The following BNC2 variants were observed in gnomAD, a reference collection of about 807,000 sequenced individuals.
BNC2 encodes the protein zinc finger protein basonuclin-2.
A neutral mutation model predicts 76.3 loss-of-function variants in BNC2; 20 were observed. The ratio of observed to expected loss-of-function variants is 0.26; its 90% confidence interval spans 0.18 to 0.38. BNC2 has a LOEUF of 0.38. Ranked by LOEUF, BNC2 falls within the 10% of genes least tolerant of loss-of-function variation. The pLI is 1.00. For synonymous variants in BNC2, 582 were observed against 514.8 expected (o/e 1.13, Z -1.77); for missense variants, 1,382 against 1,399.8 (o/e 0.99, Z 0.20).
chr9:16,677,578 A>AC (rs61063092), intron 3 of BNC2, among the ~76,000 whole-genome samples: 8,239 of 139,322 alleles, frequency 0.059, 361 homozygotes, highest in African/African-American at 0.13. Context: ...GTCTCAAACA[A>AC]ACACACACAC....
intron 3 of BNC2, among the ~76,000 whole-genome samples, chr9:16,639,752 T>C (rs1054842995): frequency 1.3e-5 from 2 of 152,068 alleles, no homozygotes; most frequent in South Asian, 2.1e-4. Context: ...CCTCCATCTC[T>C]ACAAAAATTT....
At chr9:16,665,180 A>G (rs1201114535) in intron 3 of BNC2, 1 of 412,534 alleles carries the variant, frequency 2.4e-6, no homozygotes, top group Non-Finnish European at 4.7e-6. Flanking sequence ...ACCAGCCTGA[A>G]AAACAAGGTG....
At chr9:16,700,196 T>C (rs1217802576) in intron 3 of BNC2, among the ~76,000 whole-genome samples, 1 of 152,242 alleles carries the variant, frequency 6.6e-6, no homozygotes, top group African/African-American at 2.4e-5. Context: ...TCAGACTCGT[T>C]CCATAGTAAA....
chr9:16,452,213 G>A (rs543965213), intron 5 of BNC2, among the ~76,000 whole-genome samples: 1 of 152,254 alleles, frequency 6.6e-6, no homozygotes, highest in African/African-American at 2.4e-5. Context: ...GTACCAGTAA[G>A]TTACCTATTC....
Position 16,437,037 on chromosome 9 carries a change from G to A in BNC2, c.1157C>T (p.Ala386Val), listed in dbSNP as rs150998148. 8.4e-5 allele frequency: 135 copies of A among 1,613,976 alleles called. No individual in the cohort carries two copies. The highest frequency in any genetic ancestry group is 1.0e-4 in the Non-Finnish European group (121 of 1,180,022). Residue 386 changes from alanine (A) to valine (V), a missense_variant, in exon 6 of 7, where the codon GCC (alanine) becomes GTC (valine). Ala to Val is a moderately conservative substitution (Grantham distance 64, BLOSUM62 0). Transcript: ENST00000380672. The part of the protein sequence containing the change: ...YKNDQTPNRN[A>V]LTSITNVEPK... ...CTCCACATTAGTAATGCTGGTCAGG[G>A]CATTTCTATTGGGTGTTTGATCATT...
chr9:16,473,741 T>C (rs539270634), intron 5 of BNC2, among the ~76,000 whole-genome samples: 12 of 151,862 alleles, frequency 7.9e-5, no homozygotes, highest in Non-Finnish European at 1.5e-4. Flanking sequence ...GGTGTGGTGG[T>C]GTACTCCTGT....
intron 5 of BNC2, among the ~76,000 whole-genome samples, chr9:16,450,177 A>G (rs1821311390): frequency 6.6e-6 from 1 of 152,224 alleles, no homozygotes; most frequent in African/African-American, 2.4e-5. Context: ...AAATTGTTTA[A>G]CAATGTTTAC....
At chr9:16,761,067 G>A (rs898037231) in intron 1 of BNC2, among the ~76,000 whole-genome samples, 6 of 138,996 alleles carry the variant, frequency 4.3e-5, no homozygotes, top group Non-Finnish European at 9.9e-5. Flanking sequence ...ACACAGAGCG[G>A]CCCCGTCTCT....
At position 16,515,742 on chromosome 9, in the gene BNC2, ACC is replaced by A. The variant is rs368622349; in HGVS notation, c.669+36786_669+36787del. On this transcript the variant is annotated intron_variant, in intron 5 of 6. Transcript: ENST00000380672. ...GAAAAAAAAAAAAAATTTAAAAAAAACCTCTGAAAAAAAAAATCAAGCTTGAC... is the reference window on the plus strand; with the variant it reads ...GAAAAAAAAAAAAAATTTAAAAAAAATCTGAAAAAAAAAATCAAGCTTGAC... Among the ~76,000 whole-genome samples, 759 of 150,442 alleles carry A rather than the reference ACC, an allele frequency of 5.0e-3. 6 individuals are homozygous for A. Among genetic ancestry groups the A allele is most frequent in the Middle Eastern group, 0.017 (5 of 290 alleles).
intron 3 of BNC2, among the ~76,000 whole-genome samples, chr9:16,634,102 T>A (rs1300366063): frequency 2.6e-5 from 4 of 152,198 alleles, no homozygotes; most frequent in African/African-American, 9.6e-5. Flanking sequence ...TCCACAAGAC[T>A]CTACTCATCC....
chr9:16,420,990 T>A (rs540890038), intron 6 of BNC2, among the ~76,000 whole-genome samples: 4 of 152,242 alleles, frequency 2.6e-5, no homozygotes, highest in Non-Finnish European at 5.9e-5. Context: ...GAGAAGTAAT[T>A]GTGATAAAAG....
rs147975562 is a variant in BNC2, at chr9:16,859,864, T to C, written c.3+10782A>G. Among the ~76,000 whole-genome samples the C allele has an allele frequency of 6.1e-3, 924 of 152,348 alleles. 9 individuals are homozygous for C. The highest frequency in any genetic ancestry group is 0.021 in the African/African-American group (885 of 41,582). On this transcript the variant is annotated intron_variant, in intron 1 of 6. Coordinates refer to ENST00000380672, the MANE Select transcript of BNC2 (RefSeq NM_017637.6). ...GGCCAGGCACGGCGGCTCACGCCTG[T>C]TATCCCAGCACTTTGGGAGGCCAAG...
intron 5 of BNC2, among the ~76,000 whole-genome samples, chr9:16,460,317 A>C (rs1430247315): frequency 6.6e-6 from 1 of 152,032 alleles, no homozygotes; most frequent in Non-Finnish European, 1.5e-5. Flanking sequence ...GAACAGAAAA[A>C]AAAAAAAAGT....
At chr9:16,479,116 T>C (rs1196133988) in intron 5 of BNC2, among the ~76,000 whole-genome samples, 1 of 151,872 alleles carries the variant, frequency 6.6e-6, no homozygotes, top group Admixed American at 6.6e-5. Context: ...GCCAGGCGCG[T>C]TGGCGCACAC....
chr9:16,456,534 A>G (rs913244643), intron 5 of BNC2, among the ~76,000 whole-genome samples: 14 of 149,748 alleles, frequency 9.3e-5, no homozygotes, highest in Non-Finnish European at 2.1e-4. Flanking sequence ...CCGTCTCAAA[A>G]AAAAAAAAAA....
intron 5 of BNC2, among the ~76,000 whole-genome samples, chr9:16,484,607 G>A (rs1302136545): frequency 6.6e-6 from 1 of 152,144 alleles, no homozygotes; most frequent in Admixed American, 6.6e-5. Context: ...AAACAGAGCT[G>A]GCTGGCATGC....
intron 1 of BNC2, among the ~76,000 whole-genome samples, chr9:16,821,096 G>C (rs140214828): frequency 1.3e-5 from 2 of 151,950 alleles, no homozygotes; most frequent in Non-Finnish European, 2.9e-5. Flanking sequence ...AGCCAGGTGT[G>C]GTGGCACGCA....
At chr9:16,629,281 C>T (rs1337388) in intron 3 of BNC2, among the ~76,000 whole-genome samples, 148,817 of 152,328 alleles carry the variant, frequency 0.98, 72,713 homozygotes, top group East Asian at 1. Context: ...TTTTTATTTA[C>T]ACCATAGTTG....
chr9:16,650,018 T>TA, intron 3 of BNC2, among the ~76,000 whole-genome samples: 1 of 152,170 alleles, frequency 6.6e-6, no homozygotes, highest in African/African-American at 2.4e-5. Flanking sequence ...TCCAATCTGA[T>TA]AAGCTTAGAC....
Sources: gnomAD v4.1 joint callset for allele counts (sites outside exome capture counted in the v4.1 genomes callset) on GRCh38, gnomAD v4.1.1 for gene constraint, MANE v1.5 for transcripts, NCBI Gene and HGNC (gene_info 2026-07-23, HGNC 2026-07-21) for gene names.